PARD3: variants seen among roughly 807,000 people sequenced by gnomAD.
PARD3 encodes the protein par-3 family cell polarity regulator.
Under a neutral mutation model 155.4 loss-of-function variants are expected in PARD3, and 75 were observed. The observed-to-expected ratio is 0.48, with a 90% CI of 0.40 to 0.58. PARD3 has a LOEUF of 0.58. Ranked by LOEUF, PARD3 falls within the 20% of genes least tolerant of loss-of-function variation. The pLI is 0.00. For missense variants in PARD3, 1,642 were observed against 1,721.7 expected (o/e 0.95, Z 0.82); for synonymous variants, 576 against 610.5 (o/e 0.94, Z 0.83).
At chr10:34,365,403 T>C (rs1364444217) in intron 12 of PARD3, among the ~76,000 whole-genome samples, 1 of 152,140 alleles carries the variant, frequency 6.6e-6, no homozygotes, top group Non-Finnish European at 1.5e-5. Context: ...AGTACACCCA[T>C]CAAAAACCTC....
intron 20 of PARD3, among the ~76,000 whole-genome samples, chr10:34,315,207 C>T (rs1268510126): frequency 1.3e-5 from 2 of 152,176 alleles, no homozygotes; most frequent in South Asian, 2.1e-4. Flanking sequence ...GATAGGACTC[C>T]TAGAAAAAAG....
intron 22 of PARD3, among the ~76,000 whole-genome samples, chr10:34,199,371 G>A (rs932462531): frequency 1.3e-5 from 2 of 152,136 alleles, no homozygotes; most frequent in African/African-American, 2.4e-5. Flanking sequence ...AGTTTGGTTC[G>A]GTGACAGGGC....
chr10:34,434,840 C>T (rs142275430), intron 5 of PARD3, among the ~76,000 whole-genome samples: 66 of 152,292 alleles, frequency 4.3e-4, no homozygotes, highest in African/African-American at 1.5e-3. Context: ...ACTGTCTTTT[C>T]CTTAGTGAAA....
At chr10:34,788,353 A>G (rs927747426) in intron 1 of PARD3, among the ~76,000 whole-genome samples, 16 of 152,024 alleles carry the variant, frequency 1.1e-4, no homozygotes, top group African/African-American at 3.9e-4. Context: ...CTCCATTAAC[A>G]TGGACGACTC....
chr10:34,773,998 G>C (rs1193152476), intron 1 of PARD3, among the ~76,000 whole-genome samples: 2 of 152,272 alleles, frequency 1.3e-5, no homozygotes, highest in East Asian at 3.9e-4. Flanking sequence ...TTTACTTTAA[G>C]CCAGTGGCTT....
chr10:34,261,287 T>C (rs979235662), intron 22 of PARD3, among the ~76,000 whole-genome samples: 7 of 152,118 alleles, frequency 4.6e-5, no homozygotes, highest in Admixed American at 2.0e-4. Context: ...AAAAAAAACA[T>C]TATTGACCAG....
chr10:34,767,984 TTCTA>T (rs1414673037), intron 1 of PARD3, among the ~76,000 whole-genome samples: 1 of 152,114 alleles, frequency 6.6e-6, no homozygotes, highest in Non-Finnish European at 1.5e-5. Flanking sequence ...ATTCTAATCT[TTCTA>T]TAAGAAGCAT....
intron 2 of PARD3, among the ~76,000 whole-genome samples, chr10:34,572,457 T>C (rs2134165990): frequency 6.6e-6 from 1 of 152,114 alleles, no homozygotes; most frequent in South Asian, 2.1e-4. Flanking sequence ...CTGGCCAACA[T>C]GGTAAAACCC....
At chr10:34,187,358 C>T (rs554363644) in intron 22 of PARD3, among the ~76,000 whole-genome samples, 2 of 152,226 alleles carry the variant, frequency 1.3e-5, no homozygotes, top group South Asian at 2.1e-4. Flanking sequence ...GTCCAAAAGT[C>T]CCAGGCCAGA....
intron 5 of PARD3, among the ~76,000 whole-genome samples, chr10:34,414,069 G>A (rs574633768): frequency 1.3e-4 from 19 of 151,938 alleles, no homozygotes; most frequent in Admixed American, 3.9e-4. Flanking sequence ...GTGGTAACAC[G>A]TGCCTATAGT....
intron 2 of PARD3, among the ~76,000 whole-genome samples, chr10:34,654,777 C>A (rs2133087094): frequency 6.6e-6 from 1 of 152,284 alleles, no homozygotes; most frequent in South Asian, 2.1e-4. Flanking sequence ...TGGACACACA[C>A]TGCACCTTTC....
chr10:34,389,550 C>T (rs1273065909), intron 7 of PARD3, among the ~76,000 whole-genome samples: 3 of 152,104 alleles, frequency 2.0e-5, no homozygotes, highest in African/African-American at 7.2e-5. Flanking sequence ...CTGAGTTTTG[C>T]GTTGATAATG....
At chr10:34,445,748 T>G (rs2076703905) in intron 5 of PARD3, among the ~76,000 whole-genome samples, 1 of 151,882 alleles carries the variant, frequency 6.6e-6, no homozygotes, top group Non-Finnish European at 1.5e-5. Context: ...TTTTAGAAGC[T>G]CTGGGCTACC....
chr10:34,299,829 A>T (rs1483954161), intron 20 of PARD3, among the ~76,000 whole-genome samples: 1 of 152,256 alleles, frequency 6.6e-6, no homozygotes, highest in East Asian at 1.9e-4. Flanking sequence ...AACTATTACC[A>T]AAATTACCAA....
At chr10:34,254,192 C>T (rs890405542) in intron 22 of PARD3, among the ~76,000 whole-genome samples, 5 of 152,032 alleles carry the variant, frequency 3.3e-5, no homozygotes, top group Non-Finnish European at 5.9e-5. Context: ...CCAGCCTGGC[C>T]AACATGGCGA....
At chr10:34,401,189 A>G (rs1214728825) in intron 6 of PARD3, among the ~76,000 whole-genome samples, 1 of 152,190 alleles carries the variant, frequency 6.6e-6, no homozygotes. Context: ...GCTACCAAGG[A>G]AAGAAGTCCT....
intron 5 of PARD3, among the ~76,000 whole-genome samples, chr10:34,407,639 G>A (rs1048120917): frequency 3.3e-5 from 5 of 152,082 alleles, no homozygotes; most frequent in African/African-American, 1.2e-4. Context: ...GAAAAGGGGG[G>A]CCAAAACATA....
At chr10:34,150,541 C>T (rs372506845) in intron 22 of PARD3, among the ~76,000 whole-genome samples, 41 of 152,252 alleles carry the variant, frequency 2.7e-4, no homozygotes, top group African/African-American at 8.4e-4. Flanking sequence ...GTCGGGATCT[C>T]GTGGGATGTT....
chr10:34,383,687 T>C (rs1343480413), intron 8 of PARD3, among the ~76,000 whole-genome samples: 2 of 132,588 alleles, frequency 1.5e-5, no homozygotes, highest in African/African-American at 5.0e-5. Context: ...AGATAAAGTG[T>C]ATCTGAATAC....
Sources: gnomAD v4.1 joint callset for allele counts (sites outside exome capture counted in the v4.1 genomes callset) on GRCh38, gnomAD v4.1.1 for gene constraint, MANE v1.5 for transcripts, NCBI Gene and HGNC (gene_info 2026-07-23, HGNC 2026-07-21) for gene names.